Variants in PADI1 observed in about 807,000 individuals in gnomAD.
PADI1 encodes protein-arginine deiminase type-1.
Under a neutral mutation model 74.8 loss-of-function variants are expected in PADI1, and 65 were observed. The observed-to-expected ratio is 0.87, with a 90% CI of 0.71 to 1.07. The LOEUF (loss-of-function observed/expected upper bound fraction) is 1.07. Ranked by LOEUF, PADI1 falls within the 50% of genes least tolerant of loss-of-function variation. PADI1 has a pLI of 0.00. For missense variants in PADI1, 943 were observed against 854.0 expected (o/e 1.10, Z -1.30); for synonymous variants, 371 against 336.2 (o/e 1.10, Z -1.13).
intron 1 of PADI1, among the ~76,000 whole-genome samples, chr1:17,220,602 T>C (rs780279967): frequency 1.3e-5 from 2 of 152,146 alleles, no homozygotes; most frequent in Non-Finnish European, 2.9e-5. Flanking sequence ...GTCAGGTGGA[T>C]GTCTGTAAGT....
intron 11 of PADI1, 43 bp from the exon 12 acceptor site, chr1:17,237,271 T>A (rs373330807): frequency 1.3e-6 from 2 of 1,560,650 alleles, no homozygotes; most frequent in South Asian, 2.4e-5. Context: ...GCCTGATGCC[T>A]CTCAGGCACA....
intron 6 of PADI1, 112 bp from the exon 7 acceptor site, chr1:17,228,513 C>A: frequency 9.1e-7 from 1 of 1,095,034 alleles, no homozygotes; most frequent in Non-Finnish European, 1.4e-6. Flanking sequence ...GTGGCAGAGC[C>A]AGAGAGGAAC....
intron 1 of PADI1, among the ~76,000 whole-genome samples, chr1:17,219,850 G>T (rs978567729): frequency 6.6e-6 from 1 of 152,120 alleles, no homozygotes; most frequent in Non-Finnish European, 1.5e-5. Context: ...CAGGGAGATG[G>T]CTGAAGGGGA....
At chr1:17,205,487 C>T (rs2100374965) in intron 1 of PADI1, among the ~76,000 whole-genome samples, 178 bp downstream of exon 1, 1 of 152,210 alleles carries the variant, frequency 6.6e-6, no homozygotes, top group South Asian at 2.1e-4. Flanking sequence ...GTCAGGTCCT[C>T]CTTGGGGCCC....
chr1:17,234,767 A>C (rs1438651002), intron 11 of PADI1, among the ~76,000 whole-genome samples: 1 of 152,178 alleles, frequency 6.6e-6, no homozygotes, highest in African/African-American at 2.4e-5. Flanking sequence ...TTTAGAGTCT[A>C]ATGAGGGAGA....
chr1:17,220,431 A>G (rs183369544), intron 1 of PADI1, among the ~76,000 whole-genome samples: 1 of 152,252 alleles, frequency 6.6e-6, no homozygotes, highest in East Asian at 1.9e-4. Flanking sequence ...AGGCGGGAGA[A>G]TATGCAGAAG....
At chr1:17,216,427 G>A (rs2071980025) in intron 1 of PADI1, among the ~76,000 whole-genome samples, 1 of 152,170 alleles carries the variant, frequency 6.6e-6, no homozygotes. Context: ...GGCTGTGCGA[G>A]TGAGGGAACA....
In PADI1 at chr1:17,238,708, T is replaced by G. The variant is rs1200872603; in HGVS notation, c.1551T>G (p.Asp517Glu). The change falls in exon 13 of 16, where the codon GAT (aspartate) becomes GAG (glutamate). Residue 517 changes from aspartate to glutamate, a missense_variant and splice_region_variant. Physicochemically the swap from Asp to Glu is conservative, Grantham distance 45. Coordinates refer to ENST00000375471, the MANE Select transcript of PADI1 (RefSeq NM_013358.3). ...EEGYGEAAQF[D>E]GLKHQAKRSI... ...GTTATGGGGAGGCAGCCCAGTTTGA[T>G]GGTGAGTGCCAATGACCCGGTCACC... is the stretch of plus-strand genomic sequence containing the variant. 1 of 1,499,686 alleles carries G rather than the reference T, an allele frequency of 6.7e-7. No individual in the cohort carries two copies. The highest frequency in any genetic ancestry group is 9.0e-7 in the Non-Finnish European group (1 of 1,109,554). 92.9% of individuals were successfully genotyped at this position (1,499,686 alleles called of 1,614,324 possible).
Position 17,208,163 on chromosome 1 carries a change from T to A in PADI1, c.92+2854T>A, listed in dbSNP as rs529577645. On this transcript the variant is annotated intron_variant, in intron 1 of 15. Coordinates refer to ENST00000375471, the MANE Select transcript of PADI1 (RefSeq NM_013358.3). ...GGGGGGAAGCCCCCAGAAGAGGAGG[T>A]GTTGCCAGTCACCTGAGCTGCTGGG... Among the ~76,000 whole-genome samples, 10 of 152,128 alleles carry A rather than the reference T, an allele frequency of 6.6e-5. No homozygotes were observed. In the South Asian group the frequency reaches 2.1e-3, roughly 32 times the overall value.
chr1:17,206,135 G>A (rs1313844738), intron 1 of PADI1, among the ~76,000 whole-genome samples: 1 of 152,230 alleles, frequency 6.6e-6, no homozygotes, highest in East Asian at 1.9e-4. Context: ...CCCTGCTGGA[G>A]CAGGTGGGGC....
chr1:17,221,915 G>T (rs539527665), intron 1 of PADI1, among the ~76,000 whole-genome samples: 28 of 152,386 alleles, frequency 1.8e-4, no homozygotes, highest in Admixed American at 1.6e-3. Flanking sequence ...GACTGGAGGG[G>T]CCTGGGTGGG....
chr1:17,217,176 A>G (rs934718006), intron 1 of PADI1, among the ~76,000 whole-genome samples: 31 of 152,024 alleles, frequency 2.0e-4, no homozygotes, highest in Non-Finnish European at 4.6e-4. Flanking sequence ...TTCCAATTAC[A>G]CATTTCAGAA....
chr1:17,236,820 G>C (rs2072653895), intron 11 of PADI1, among the ~76,000 whole-genome samples: 1 of 152,028 alleles, frequency 6.6e-6, no homozygotes, highest in African/African-American at 2.4e-5. Flanking sequence ...GAGGAAGAAA[G>C]AGAAAAGAAG....
intron 15 of PADI1, among the ~76,000 whole-genome samples, chr1:17,243,668 G>A (rs936489075): frequency 1.3e-5 from 2 of 152,226 alleles, no homozygotes; most frequent in Admixed American, 6.5e-5. Context: ...CAGATGACAC[G>A]AAAATCTCTT....
In PADI1 at chr1:17,244,436, G is replaced by T; in HGVS notation, c.*193G>T. On this transcript the variant is annotated 3_prime_UTR_variant, in exon 16 of 16. Coordinates refer to ENST00000375471, the MANE Select transcript of PADI1 (RefSeq NM_013358.3). ...GCCTCTGGAATGGCCTACCCAACCC[G>T]AGAAGAATGCACCTCATTCTTCCCT... is the stretch of plus-strand genomic sequence containing the variant. The T allele has an allele frequency of 2.9e-6, 2 of 679,818 alleles. No homozygotes were observed. The highest frequency in any genetic ancestry group is 5.4e-6 in the Non-Finnish European group (2 of 370,508). The allele number at this position is 679,818 out of a possible 1,614,324, so 42.1% of individuals were successfully genotyped here.
At position 17,210,298 on chromosome 1, in the gene PADI1, A is replaced by T. The variant is rs72895771; in HGVS notation, c.92+4989A>T. On this transcript the variant is annotated intron_variant, in intron 1 of 15. Coordinates refer to ENST00000375471, the MANE Select transcript of PADI1 (RefSeq NM_013358.3). ...TAGCCCCCCAAGTAGCTAGGATTAC[A>T]GGCCTGAGCCACCGCGCCCGGCCAA... is the stretch of plus-strand genomic sequence containing the variant. 7.7e-3 allele frequency among the ~76,000 whole-genome samples: 1,166 copies of T among 152,192 alleles called. 17 individuals carry two copies. Among genetic ancestry groups the T allele is most frequent in the African/African-American group, 0.026 (1,088 of 41,526 alleles).
intron 11 of PADI1, among the ~76,000 whole-genome samples, chr1:17,234,845 A>G (rs1020238336): frequency 6.6e-6 from 1 of 152,092 alleles, no homozygotes; most frequent in Non-Finnish European, 1.5e-5. Context: ...AAGGCTTCCT[A>G]GGGGCAGCCA....
At chr1:17,220,743 G>A (rs1256164817) in intron 1 of PADI1, among the ~76,000 whole-genome samples, 1 of 152,136 alleles carries the variant, frequency 6.6e-6, no homozygotes, top group Non-Finnish European at 1.5e-5. Flanking sequence ...TCTCCAGAGT[G>A]TGAGCGCCAC....
Position 17,228,931 on chromosome 1 carries a change from C to A in PADI1, c.826-17C>A. 6.3e-7 allele frequency: 1 copy of A among 1,586,440 alleles called. No homozygotes were observed. Among genetic ancestry groups the A allele is most frequent in the East Asian group, 2.3e-5 (1 of 44,254 alleles). ...GGGGTCCCTGCAGGGCCCACCAAGT[C>A]CTCATTTTCCCCTCAGACCCTGCCC... On this transcript the variant is annotated splice_polypyrimidine_tract_variant and intron_variant, in intron 7 of 15. Coordinates refer to ENST00000375471, the MANE Select transcript of PADI1 (RefSeq NM_013358.3).
Sources: allele counts gnomAD v4.1 joint callset (sites outside exome capture counted in the v4.1 genomes callset), GRCh38; gene constraint gnomAD v4.1.1; transcripts MANE v1.5; gene names NCBI Gene and HGNC (gene_info 2026-07-23, HGNC 2026-07-21).